Variants in AP2B1 observed in about 807,000 individuals in gnomAD.
AP2B1 encodes adaptor related protein complex 2 subunit beta 1.
In AP2B1, 23 loss-of-function variants were observed where a neutral mutation model predicts 102.0. The observed-to-expected ratio is 0.23, with a 90% CI of 0.16 to 0.32. AP2B1 has a LOEUF of 0.32. Ranked by LOEUF, AP2B1 falls within the 10% of genes least tolerant of loss-of-function variation. The pLI is 1.00. For missense variants in AP2B1, 541 were observed against 1,157.4 expected, an observed-to-expected ratio of 0.47 and a Z score of 7.73; for synonymous variants, 381 against 421.2, an observed-to-expected ratio of 0.90 and a Z score of 1.17.
At chr17:35,676,505 G>A (rs1048424031) in intron 17 of AP2B1, among the ~76,000 whole-genome samples, 2 of 152,100 alleles carry the variant, frequency 1.3e-5, no homozygotes, top group Admixed American at 6.5e-5. Flanking sequence ...GTTTGTTGAC[G>A]TGCTCACAAG....
intron 21 of AP2B1, among the ~76,000 whole-genome samples, chr17:35,721,370 G>T (rs1323013731): frequency 6.6e-6 from 1 of 152,166 alleles, no homozygotes; most frequent in Admixed American, 6.5e-5. Context: ...ATTCCTGAAT[G>T]GCTGATGTTA....
At chr17:35,712,639 T>A (rs1167753437) in intron 20 of AP2B1, among the ~76,000 whole-genome samples, 3 of 150,818 alleles carry the variant, frequency 2.0e-5, no homozygotes, top group South Asian at 2.1e-4. Context: ...AAAAAAAAAA[T>A]AAAAATAAAA....
intron 21 of AP2B1, among the ~76,000 whole-genome samples, chr17:35,720,358 C>T (rs1555592144): frequency 2.0e-5 from 3 of 151,068 alleles, no homozygotes; most frequent in Non-Finnish European, 2.9e-5. Context: ...GTAAATTGTT[C>T]CTAAACCAGA....
intron 5 of AP2B1, among the ~76,000 whole-genome samples, chr17:35,619,875 C>G (rs1032282868): frequency 5.9e-5 from 9 of 152,058 alleles, no homozygotes; most frequent in African/African-American, 1.9e-4. Context: ...ACCTCTGCCT[C>G]GCATGTTCAA....
chr17:35,610,464 A>G (rs1236464696), intron 5 of AP2B1, among the ~76,000 whole-genome samples: 1 of 151,998 alleles, frequency 6.6e-6, no homozygotes, highest in Non-Finnish European at 1.5e-5. Context: ...TAAAAATTAC[A>G]TAAAGAAATT....
At chr17:35,657,966 A>G (rs950238576) in intron 14 of AP2B1, among the ~76,000 whole-genome samples, 175 bp downstream of exon 14, 1 of 152,234 alleles carries the variant, frequency 6.6e-6, no homozygotes, top group African/African-American at 2.4e-5. Context: ...AATACTGTTC[A>G]TCATCGGTAA....
intron 17 of AP2B1, among the ~76,000 whole-genome samples, chr17:35,679,048 A>G (rs1445376031): frequency 6.6e-6 from 1 of 152,072 alleles, no homozygotes; most frequent in East Asian, 1.9e-4. Context: ...CTTTTTTATA[A>G]TAGGGCTTTG....
chr17:35,642,991 A>G (rs1204367284), intron 12 of AP2B1, among the ~76,000 whole-genome samples: 1 of 151,686 alleles, frequency 6.6e-6, no homozygotes, highest in Non-Finnish European at 1.5e-5. Context: ...GATGAATTCA[A>G]AACAATTTCT....
Position 35,714,720 on chromosome 17 carries a change from G to A in AP2B1, c.2627-2475G>A, listed in dbSNP as rs146707799. On this transcript the variant is annotated intron_variant, in intron 20 of 21. Transcript: ENST00000610402. ...GAAAGACTCTGTCGAGAGAGAGAGA[G>A]AAAGCAAGGAAGGAAAAAGAAAAGA... Among the ~76,000 whole-genome samples, 845 of 152,226 alleles carry A rather than the reference G, an allele frequency of 5.6e-3. 3 individuals are homozygous for A. Among genetic ancestry groups the A allele is most frequent in the Middle Eastern group, 0.031 (9 of 294 alleles).
chr17:35,612,880 GCACACACACACACA>G (rs55739970), intron 5 of AP2B1, among the ~76,000 whole-genome samples: 1 of 143,866 alleles, frequency 7.0e-6, no homozygotes, highest in South Asian at 2.2e-4. Context: ...GTGTATGTGC[GCACACACACACACA>G]CACACACACA....
At chr17:35,689,040 G>A (rs1367824032) in intron 18 of AP2B1, among the ~76,000 whole-genome samples, 2 of 152,078 alleles carry the variant, frequency 1.3e-5, no homozygotes, top group South Asian at 2.1e-4. Context: ...ATAGTATAAC[G>A]AGCCCCTGTG....
chr17:35,723,211 T>C (rs1555593781), intron 21 of AP2B1, among the ~76,000 whole-genome samples: 1 of 152,242 alleles, frequency 6.6e-6, no homozygotes, highest in East Asian at 1.9e-4. Flanking sequence ...GACTGAGATA[T>C]AGCCATCCTC....
At chr17:35,679,211 T>G (rs2075765211) in intron 17 of AP2B1, among the ~76,000 whole-genome samples, 1 of 152,178 alleles carries the variant, frequency 6.6e-6, no homozygotes, top group Non-Finnish European at 1.5e-5. Flanking sequence ...TTTGCTCTGG[T>G]GTAGCCACAG....
chr17:35,703,251 C>G (rs1386317019), intron 18 of AP2B1, among the ~76,000 whole-genome samples: 1 of 135,734 alleles, frequency 7.4e-6, no homozygotes, highest in African/African-American at 2.9e-5. Context: ...GGTGACAGAG[C>G]CAGACTCCAT....
rs11340791 is a variant in AP2B1 at position 35,669,142 on chromosome 17, C to CT, written c.1990-1699dup. ...ACTCAAATTCTTGGTTTGGGGATGC[C>CT]TTTTTTTTTTTTTTTTCCGAGATGG... On this transcript the variant is annotated intron_variant, in intron 14 of 21. Transcript: ENST00000610402. Among the ~76,000 whole-genome samples the CT allele has an allele frequency of 4.7e-3, 632 of 135,624 alleles. 2 individuals are homozygous for CT. The highest frequency in any genetic ancestry group is 0.016 in the African/African-American group (560 of 36,080). 89.0% of individuals were successfully genotyped at this position (135,624 alleles called of 152,430 possible). A position where few individuals can be genotyped will look rare whatever the true frequency, so the allele number is the denominator to read the frequency against.
chr17:35,588,105 G>T (rs1002597993), intron 1 of AP2B1, among the ~76,000 whole-genome samples: 16 of 150,638 alleles, frequency 1.1e-4, no homozygotes, highest in Non-Finnish European at 1.5e-5. Context: ...TGCAGTAATG[G>T]TCTGGTTTGG....
intron 17 of AP2B1, among the ~76,000 whole-genome samples, chr17:35,680,937 C>T (rs1321122251): frequency 1.3e-5 from 2 of 151,910 alleles, no homozygotes; most frequent in Admixed American, 6.6e-5. Flanking sequence ...TTAAGTGATC[C>T]GCCCGCTGCA....
chr17:35,708,952 T>C (rs1355343789), intron 18 of AP2B1, among the ~76,000 whole-genome samples: 5 of 152,052 alleles, frequency 3.3e-5, no homozygotes, highest in African/African-American at 1.2e-4. Context: ...GAGAAAAAAA[T>C]CACAGACTAG....
At chr17:35,665,860 G>C (rs2075453616) in intron 14 of AP2B1, among the ~76,000 whole-genome samples, 1 of 152,184 alleles carries the variant, frequency 6.6e-6, no homozygotes, top group Non-Finnish European at 1.5e-5. Flanking sequence ...CTTTGGACTG[G>C]CCAGACATAG....
Sources: gnomAD v4.1 joint callset for allele counts (sites outside exome capture counted in the v4.1 genomes callset) on GRCh38, gnomAD v4.1.1 for gene constraint, MANE v1.5 for transcripts, NCBI Gene and HGNC (gene_info 2026-07-23, HGNC 2026-07-21) for gene names.